Variants in CMC1 observed in about 807,000 individuals in gnomAD.
The protein encoded by CMC1 is COX assembly mitochondrial protein homolog.
Under a neutral mutation model 14.1 loss-of-function variants are expected in CMC1, and 14 were observed. The ratio of observed to expected loss-of-function variants is 0.99; its 90% CI spans 0.66 to 1.55. The LOEUF (loss-of-function observed/expected upper bound fraction) is 1.55. Among genes scored for constraint, CMC1 ranks in the 40% most tolerant of loss-of-function variants. The probability of loss-of-function intolerance (pLI) is 0.00; values close to 1 mark genes in which losing one functional copy is unlikely to be tolerated. For synonymous variants in CMC1, 50 were observed against 38.4 expected (o/e 1.30, Z -1.12); for missense variants, 127 against 123.8 (o/e 1.03, Z -0.12).
chr3:28,255,897 A>T (rs1284843621), intron 1 of CMC1, among the ~76,000 whole-genome samples: 1 of 152,164 alleles, frequency 6.6e-6, no homozygotes, highest in Non-Finnish European at 1.5e-5. Flanking sequence ...GAACACCTTC[A>T]TATCATTTTT....
At chr3:28,263,443 C>G (rs1359051748) in intron 2 of CMC1, 63 bp downstream of exon 2, 2 of 1,091,684 alleles carry the variant, frequency 1.8e-6, no homozygotes, top group African/African-American at 3.3e-5. Context: ...TGAATTTAAT[C>G]CTTAGCCCCA....
rs1321836759 is a variant in CMC1 at position 28,295,376 on chromosome 3, A to T, written c.110-20957A>T. Among the ~76,000 whole-genome samples the T allele has an allele frequency of 1.1e-4, 10 of 94,612 alleles. No individual in the cohort carries two copies. In the East Asian group the frequency reaches 2.2e-3, roughly 21 times the overall value. 62.1% of individuals were successfully genotyped at this position (94,612 alleles called of 152,430 possible). A position where few individuals can be genotyped will look rare whatever the true frequency, so the allele number is the denominator to read the frequency against. ...ATGCCCATTTTCCTTGAAAATATTT[A>T]AAAAATATGTCTTGTATAGAATTAG... On this transcript the variant is annotated intron_variant, in intron 2 of 3. Coordinates refer to ENST00000466830, the MANE Select transcript of CMC1 (RefSeq NM_182523.2).
At position 28,263,229 on chromosome 3, in the gene CMC1, T is replaced by G. The variant is rs887456327; in HGVS notation, c.20-62T>G. ...TTATTTTAAGTAAACCAGAGTCTTA[T>G]TTTTCCTTTAATCTGGTGATTTGCT... On this transcript the variant is annotated intron_variant, in intron 1 of 3. Transcript: ENST00000466830. The G allele has an allele frequency of 5.0e-6, 6 of 1,200,486 alleles. No individual in the cohort carries two copies. In the East Asian group the frequency reaches 7.2e-5, roughly 14 times the overall value. The allele number at this position is 1,200,486 out of a possible 1,614,324, so 74.4% of individuals were successfully genotyped here.
At chr3:28,252,939 G>GA (rs1471578305) in intron 1 of CMC1, among the ~76,000 whole-genome samples, 6 of 152,188 alleles carry the variant, frequency 3.9e-5, no homozygotes. Flanking sequence ...TTGCGGGGAA[G>GA]AAAACATCTC....
At chr3:28,285,919 C>G (rs1701153771) in intron 2 of CMC1, among the ~76,000 whole-genome samples, 1 of 151,994 alleles carries the variant, frequency 6.6e-6, no homozygotes, top group South Asian at 2.1e-4. Context: ...CGCCTGCCAC[C>G]ACACCCGGCT....
chr3:28,276,678 CCTGGTAATCAGAGCCTGACA>C (rs1443465521), intron 2 of CMC1, among the ~76,000 whole-genome samples: 6 of 152,104 alleles, frequency 3.9e-5, no homozygotes, highest in African/African-American at 1.4e-4. Flanking sequence ...GGCATTTTTT[CCTGGTAATCAGAGCCTGACA>C]CTGGTAAACA....
rs1393433541 is a variant in CMC1 at position 28,324,245 on chromosome 3, T to C, written c.*4616T>C. ...TGAAAGCATGTACCATCATTAGGAA[T>C]GGATCTCTCATTGTCTGTCCATGAT... On this transcript the variant is annotated 3_prime_UTR_variant, in exon 4 of 4. Transcript: ENST00000466830. 6.2e-7 allele frequency: 1 copy of C among 1,610,360 alleles called. No individual in the cohort carries two copies. The highest frequency in any genetic ancestry group is 2.2e-5 in the East Asian group (1 of 44,794).
Position 28,320,661 on chromosome 3 carries a change from C to G in CMC1, c.*1032C>G, listed in dbSNP as rs1436535062. 2 of 107,146 alleles carry G rather than the reference C, an allele frequency of 1.9e-5. No homozygotes were observed. Among genetic ancestry groups the G allele is most frequent in the Non-Finnish European group, 4.2e-5 (2 of 47,672 alleles). The allele number at this position is 107,146 out of a possible 1,614,324, so 6.6% of individuals were successfully genotyped here. On this transcript the variant is annotated 3_prime_UTR_variant, in exon 4 of 4. Coordinates refer to ENST00000466830, the MANE Select transcript of CMC1 (RefSeq NM_182523.2). ...ATCTTTGATGTAGAATTTTCTAAAA[C>G]ATAATGTTCTTAACCTGATAACTTG... is the stretch of plus-strand genomic sequence containing the variant.
Position 28,319,758 on chromosome 3 carries a change from A to C in CMC1, c.*129A>C. Reference sequence around the variant, plus strand: ...GGAAATATTAACTTTATCTGAAATAAATATTTTATTTCAAAGTTTTGGTTT... The same window carrying C: ...GGAAATATTAACTTTATCTGAAATACATATTTTATTTCAAAGTTTTGGTTT... On this transcript the variant is annotated 3_prime_UTR_variant, in exon 4 of 4. Coordinates refer to ENST00000466830, the MANE Select transcript of CMC1 (RefSeq NM_182523.2). The C allele has an allele frequency of 3.8e-6, 3 of 797,506 alleles. No homozygotes were observed. The highest frequency in any genetic ancestry group is 5.6e-6 in the Non-Finnish European group (3 of 538,650). The allele number at this position is 797,506 out of a possible 1,614,324, so 49.4% of individuals were successfully genotyped here.
At chr3:28,298,396 T>C (rs1191758433) in intron 2 of CMC1, 1 of 150,078 alleles carries the variant, frequency 6.7e-6, no homozygotes, top group Non-Finnish European at 1.5e-5. Context: ...ATAACCTAGT[T>C]TGTGAGGTTT....
At chr3:28,267,546 C>G (rs185329247) in intron 2 of CMC1, among the ~76,000 whole-genome samples, 11 of 152,226 alleles carry the variant, frequency 7.2e-5, no homozygotes, top group Non-Finnish European at 1.2e-4. Flanking sequence ...ATTTATGTTG[C>G]AGTCTTTATG....
At chr3:28,317,709 A>G (rs566279789) in intron 3 of CMC1, 398 of 152,184 alleles carry the variant, frequency 2.6e-3, no homozygotes, top group Non-Finnish European at 4.5e-3. Context: ...GTGAGAGCTT[A>G]GCTAGTCGTG....
chr3:28,270,589 T>G (rs1700228240), intron 2 of CMC1, among the ~76,000 whole-genome samples: 1 of 152,158 alleles, frequency 6.6e-6, no homozygotes, highest in Admixed American at 6.5e-5. Context: ...GCCCACTTTT[T>G]AATGGAGTTG....
In CMC1 at chr3:28,279,012, T is replaced by A. The variant is rs561590879; in HGVS notation, c.109+15632T>A. Among the ~76,000 whole-genome samples, 4 of 152,346 alleles carry A rather than the reference T, an allele frequency of 2.6e-5. No homozygotes were observed. The East Asian group carries it at 7.7e-4, about 29-fold the overall frequency. On this transcript the variant is annotated intron_variant, in intron 2 of 3. Coordinates refer to ENST00000466830, the MANE Select transcript of CMC1 (RefSeq NM_182523.2). ...AAATTTGATAATGAGTTTATTCAGTTTATAAAGAGTTCTGTTTTTGGCATG... is the reference window on the plus strand; with the variant it reads ...AAATTTGATAATGAGTTTATTCAGTATATAAAGAGTTCTGTTTTTGGCATG...
rs569217788 is a variant in CMC1 at position 28,324,015 on chromosome 3, A to G, written c.*4386A>G. The G allele has an allele frequency of 1.3e-6, 2 of 1,571,826 alleles. No homozygotes were observed. Among genetic ancestry groups the G allele is most frequent in the Non-Finnish European group, 1.7e-6 (2 of 1,152,344 alleles). On this transcript the variant is annotated 3_prime_UTR_variant, in exon 4 of 4. Coordinates refer to ENST00000466830, the MANE Select transcript of CMC1 (RefSeq NM_182523.2). ...ACCACTGAAAGAGATAAGTGTCCTC[A>G]TGGTGAAATCGTGAATCTCTTCCAA...
At position 28,272,786 on chromosome 3, in the gene CMC1, C is replaced by T. The variant is rs116790892; in HGVS notation, c.109+9406C>T. On this transcript the variant is annotated intron_variant, in intron 2 of 3. Coordinates refer to ENST00000466830, the MANE Select transcript of CMC1 (RefSeq NM_182523.2). ...GCAAACTCCATCTCCCAGGTTCAAT[C>T]GATTATCCTTGCCTAAGCCTCCCAA... 7.0e-3 allele frequency among the ~76,000 whole-genome samples: 1,059 copies of T among 152,122 alleles called. 11 individuals are homozygous for T. Among genetic ancestry groups the T allele is most frequent in the African/African-American group, 0.023 (946 of 41,520 alleles).
intron 2 of CMC1, among the ~76,000 whole-genome samples, chr3:28,271,710 A>G (rs1199029312): frequency 6.6e-6 from 1 of 152,158 alleles, no homozygotes; most frequent in Non-Finnish European, 1.5e-5. Flanking sequence ...ATGGATGTCA[A>G]AATAGTTTGT....
chr3:28,324,050 T>C lies in CMC1; in HGVS notation c.*4421T>C, dbSNP rs775240008. Reference sequence around the variant, plus strand: ...CGTGAATCTCTTCCAAATTAATTCTTATAAAGGCAGTTCTGATTATGTTGA... The same window carrying C: ...CGTGAATCTCTTCCAAATTAATTCTCATAAAGGCAGTTCTGATTATGTTGA... On this transcript the variant is annotated 3_prime_UTR_variant, in exon 4 of 4. Transcript: ENST00000466830. The C allele has an allele frequency of 1.3e-5, 21 of 1,604,314 alleles. No homozygotes were observed. Among genetic ancestry groups the C allele is most frequent in the Non-Finnish European group, 1.6e-5 (19 of 1,173,552 alleles).
At chr3:28,243,052 G>A (rs1698613101) in intron 1 of CMC1, among the ~76,000 whole-genome samples, 1 of 151,734 alleles carries the variant, frequency 6.6e-6, no homozygotes, top group African/African-American at 2.4e-5. Flanking sequence ...TATAATTTAT[G>A]GTATCTTTTT....
Sources: gnomAD v4.1 joint callset for allele counts (sites outside exome capture counted in the v4.1 genomes callset) on GRCh38, gnomAD v4.1.1 for gene constraint, MANE v1.5 for transcripts, NCBI Gene and HGNC (gene_info 2026-07-23, HGNC 2026-07-21) for gene names.